The following DPP10 variants were observed in gnomAD, a reference collection of about 807,000 sequenced individuals.
The protein encoded by DPP10 is inactive dipeptidyl peptidase 10.
In DPP10, 33 loss-of-function variants were observed where a neutral mutation model predicts 120.9. The ratio of observed to expected loss-of-function variants is 0.27; its 90% CI spans 0.21 to 0.37. DPP10 has a LOEUF of 0.37. DPP10 is among the 10% of genes least tolerant of loss of function. The probability of loss-of-function intolerance (pLI) is 1.00; values close to 1 mark genes in which losing one functional copy is unlikely to be tolerated. For missense variants in DPP10, 816 were observed against 942.8 expected (o/e 0.87, Z 1.76); for synonymous variants, 337 against 326.1 (o/e 1.03, Z -0.36).
intron 1 of DPP10, among the ~76,000 whole-genome samples, chr2:115,150,020 C>G (rs948353189): frequency 6.6e-6 from 1 of 152,070 alleles, no homozygotes; most frequent in Non-Finnish European, 1.5e-5. Context: ...ATGGAAAAAG[C>G]AGGAATAACC....
chr2:115,108,559 T>C (rs1383147311), intron 1 of DPP10, among the ~76,000 whole-genome samples: 7 of 152,184 alleles, frequency 4.6e-5, no homozygotes, highest in African/African-American at 1.7e-4. Flanking sequence ...AACAAATCTC[T>C]TGGAGACATT....
chr2:114,785,733 G>A (rs1372248015), intron 1 of DPP10, among the ~76,000 whole-genome samples: 1 of 152,116 alleles, frequency 6.6e-6, no homozygotes, highest in African/African-American at 2.4e-5. Flanking sequence ...GACAGTCTAA[G>A]GGGGAGCTGA....
intron 8 of DPP10, among the ~76,000 whole-genome samples, chr2:115,731,915 C>G (rs2092920531): frequency 6.6e-6 from 1 of 152,160 alleles, no homozygotes; most frequent in African/African-American, 2.4e-5. Context: ...ACTGCTACCC[C>G]CAACCTCTGC....
chr2:114,659,774 A>C (rs1697253425), intron 1 of DPP10, among the ~76,000 whole-genome samples: 1 of 152,164 alleles, frequency 6.6e-6, no homozygotes, highest in East Asian at 1.9e-4. Context: ...ATGGGCCCTA[A>C]ATCCAATGTC....
intron 1 of DPP10, among the ~76,000 whole-genome samples, chr2:115,066,029 A>G (rs981362805): frequency 3.9e-5 from 6 of 152,188 alleles, no homozygotes; most frequent in African/African-American, 1.4e-4. Flanking sequence ...GACATTAATC[A>G]ACAGCAAACT....
At position 115,678,310 on chromosome 2, in the gene DPP10, C is replaced by T. The variant is rs541816120; in HGVS notation, c.442-11377C>T. 5.3e-4 allele frequency among the ~76,000 whole-genome samples: 80 copies of T among 152,314 alleles called. 1 individual carries two copies. Among genetic ancestry groups the T allele is most frequent in the African/African-American group, 1.8e-3 (76 of 41,582 alleles). On this transcript the variant is annotated intron_variant, in intron 5 of 25. Coordinates refer to ENST00000410059, the MANE Select transcript of DPP10 (RefSeq NM_020868.6). ...AAAAAATGGTTTCATGGGCCAGGCC[C>T]GGGGCCCCCCTGCTGTGTGCAGCCT...
chr2:115,537,287 G>T lies in DPP10; in HGVS notation c.441+11315G>T, dbSNP rs118180390. Among the ~76,000 whole-genome samples the T allele has an allele frequency of 1.8e-3, 267 of 152,054 alleles. 10 individuals carry two copies. The East Asian group carries it at 0.048, about 28-fold the overall frequency. ...ATTTATTTTTACTATCATGAGATAA[G>T]TATCTAAGACAATAAAGCAACCTAT... On this transcript the variant is annotated intron_variant, in intron 5 of 25. Transcript: ENST00000410059.
intron 1 of DPP10, among the ~76,000 whole-genome samples, chr2:114,961,969 T>A (rs1449770796): frequency 6.6e-5 from 10 of 152,000 alleles, no homozygotes; most frequent in Non-Finnish European, 1.5e-4. Context: ...ATAATAATAA[T>A]AAAAAATAAA....
Position 114,510,073 on chromosome 2 carries a change from A to G in DPP10, c.60+67235A>G, listed in dbSNP as rs114929793. Among the ~76,000 whole-genome samples the G allele has an allele frequency of 3.3e-3, 502 of 152,346 alleles. 1 individual carries two copies. Among genetic ancestry groups the G allele is most frequent in the African/African-American group, 0.011 (474 of 41,576 alleles). On this transcript the variant is annotated intron_variant, in intron 1 of 25. Coordinates refer to ENST00000410059, the MANE Select transcript of DPP10 (RefSeq NM_020868.6). ...GGAGAAAGCTGGCTAGGAGGTGATA[A>G]GGAATATGAAAAGACTCCAGGAGTT...
chr2:114,877,693 T>C (rs1378972897), intron 1 of DPP10, among the ~76,000 whole-genome samples: 2 of 152,086 alleles, frequency 1.3e-5, no homozygotes, highest in Admixed American at 6.6e-5. Context: ...TTTTATGAAA[T>C]GTCAAGATGA....
intron 1 of DPP10, among the ~76,000 whole-genome samples, chr2:114,782,804 T>C (rs1682445742): frequency 6.6e-6 from 1 of 152,124 alleles, no homozygotes; most frequent in Non-Finnish European, 1.5e-5. Flanking sequence ...TCAAATTAGC[T>C]TGTTTCAGTA....
chr2:115,621,761 C>A (rs567243755), intron 5 of DPP10, among the ~76,000 whole-genome samples: 5 of 152,240 alleles, frequency 3.3e-5, no homozygotes, highest in South Asian at 4.1e-4. Flanking sequence ...CTCACTGCAA[C>A]CTCCGCCTCC....
At chr2:114,475,025 T>C (rs1258477469) in intron 1 of DPP10, among the ~76,000 whole-genome samples, 1 of 152,194 alleles carries the variant, frequency 6.6e-6, no homozygotes, top group African/African-American at 2.4e-5. Context: ...GCTTGAAGAA[T>C]CTGAATATCA....
chr2:115,712,266 C>A, intron 7 of DPP10, among the ~76,000 whole-genome samples: 1 of 150,454 alleles, frequency 6.6e-6, no homozygotes, highest in East Asian at 2.0e-4. Context: ...AGCTCACATG[C>A]ATGGTTCACA....
At chr2:115,577,614 C>T (rs1198518020) in intron 5 of DPP10, among the ~76,000 whole-genome samples, 1 of 152,094 alleles carries the variant, frequency 6.6e-6, no homozygotes, top group Non-Finnish European at 1.5e-5. Context: ...ACAGCAAAAG[C>T]TTATTTCCTG....
intron 1 of DPP10, among the ~76,000 whole-genome samples, chr2:114,698,541 G>A (rs1700198701): frequency 6.6e-6 from 1 of 152,058 alleles, no homozygotes; most frequent in East Asian, 1.9e-4. Context: ...AATACAGGAG[G>A]GTCAAGGGGT....
chr2:115,332,292 G>A (rs1340401201), intron 2 of DPP10, among the ~76,000 whole-genome samples: 2 of 151,916 alleles, frequency 1.3e-5, no homozygotes, highest in African/African-American at 4.8e-5. Context: ...ATTTTTTATT[G>A]TGCGTATTTT....
chr2:114,855,048 G>A (rs569189791), intron 1 of DPP10, among the ~76,000 whole-genome samples: 2 of 152,226 alleles, frequency 1.3e-5, no homozygotes, highest in African/African-American at 4.8e-5. Context: ...GTCTTTTGAT[G>A]TACAACAAAC....
At chr2:114,594,483 A>C (rs931946939) in intron 1 of DPP10, among the ~76,000 whole-genome samples, 43 of 147,894 alleles carry the variant, frequency 2.9e-4, no homozygotes, top group African/African-American at 1.1e-3. Context: ...TTTATTATAT[A>C]TTATATATAC....
Sources: allele counts gnomAD v4.1 joint callset (sites outside exome capture counted in the v4.1 genomes callset), GRCh38; gene constraint gnomAD v4.1.1; transcripts MANE v1.5; gene names NCBI Gene and HGNC (gene_info 2026-07-23, HGNC 2026-07-21).